The following GLT8D2 variants were observed in gnomAD, a reference collection of about 807,000 sequenced individuals.
GLT8D2 encodes glycosyltransferase 8 domain-containing protein 2.
Under a neutral mutation model 44.5 loss-of-function variants are expected in GLT8D2, and 45 were observed. The ratio of observed to expected loss-of-function variants is 1.01; its 90% CI spans 0.80 to 1.30. GLT8D2 has a LOEUF of 1.30. Among genes scored for constraint, GLT8D2 ranks in the 50% most tolerant of loss-of-function variants. GLT8D2 has a pLI of 0.00. For synonymous variants in GLT8D2, 156 were observed against 157.2 expected (o/e 0.99, Z 0.06); for missense variants, 400 against 430.4 (o/e 0.93, Z 0.62).
In GLT8D2 at chr12:103,993,471, C is replaced by T; in HGVS notation, c.801G>A (p.Gly267=). ...CAATCAGCATTGGGGAGGTGGCCAC[C>T]CCTCCTCCCAGGGAGCTGCTATAGA... ...ENLYSSSLGG[G]VATSPMLIVF... The change falls in exon 10 of 11, where the codon GGG becomes GGA. Residue 267 remains glycine, a synonymous_variant. Transcript: ENST00000360814. 1 of 1,611,032 alleles carries T rather than the reference C, an allele frequency of 6.2e-7. No individual in the cohort carries two copies. Among genetic ancestry groups the T allele is most frequent in the Non-Finnish European group, 8.5e-7 (1 of 1,178,812 alleles).
chr12:104,030,953 G>A lies in GLT8D2; in HGVS notation c.-163-9462C>T, dbSNP rs1879178975. On this transcript the variant is annotated intron_variant, in intron 1 of 10. Transcript: ENST00000360814. ...TGAGTTTGACATCTGCTTCACCTCAGTGCAGAAGAGAGCGATCCGGACCCT... is the reference window on the plus strand; with the variant it reads ...TGAGTTTGACATCTGCTTCACCTCAATGCAGAAGAGAGCGATCCGGACCCT... 2.1e-6 allele frequency: 3 copies of A among 1,439,760 alleles called. No homozygotes were observed. The East Asian group carries it at 7.0e-5, about 34-fold the overall frequency. 89.2% of individuals were successfully genotyped at this position (1,439,760 alleles called of 1,614,324 possible). A position where few individuals can be genotyped will look rare whatever the true frequency, so the allele number is the denominator to read the frequency against.
At chr12:103,990,014 A>G (rs1872521703) in intron 10 of GLT8D2, among the ~76,000 whole-genome samples, 1 of 149,452 alleles carries the variant, frequency 6.7e-6, no homozygotes, top group Admixed American at 6.7e-5. Context: ...GATTGTTTCT[A>G]TCCTATTATT....
At chr12:104,031,469 C>A in intron 1 of GLT8D2, 1 of 1,613,334 alleles carries the variant, frequency 6.2e-7, no homozygotes. Flanking sequence ...CAAGCCCATG[C>A]AGTTTCTGGG....
At chr12:104,064,406 G>C (rs115289286), upstream of GLT8D2, 6 of 639,334 alleles carry the variant, frequency 9.4e-6, no homozygotes, top group Non-Finnish European at 1.4e-5. The surrounding 1 kb of genome is among the most constrained non-coding windows in gnomAD (Gnocchi z 7.3). Flanking sequence ...CCCTTCCCCA[G>C]CGTCTCTCCA....
intron 10 of GLT8D2, among the ~76,000 whole-genome samples, chr12:103,990,699 C>T (rs774884950): frequency 5.9e-5 from 9 of 152,118 alleles, no homozygotes; most frequent in South Asian, 2.1e-4. Context: ...ATAGCTGTGA[C>T]GGCAGCTGCA....
upstream of GLT8D2, chr12:104,064,274 G>C (rs1882953613): frequency 2.8e-6 from 1 of 357,492 alleles, no homozygotes; most frequent in Non-Finnish European, 5.0e-6. This position sits in a 1 kb window ranked among gnomAD's most constrained non-coding sequence, Gnocchi z 7.3. Context: ...CGAACGGGAG[G>C]CTCTGGGTGG....
At chr12:104,001,243 A>C (rs1403212643) in intron 5 of GLT8D2, among the ~76,000 whole-genome samples, 2 of 152,194 alleles carry the variant, frequency 1.3e-5, no homozygotes, top group African/African-American at 4.8e-5. Context: ...TAACATCTGG[A>C]TCATATTTCA....
chr12:103,994,559 T>C (rs1242933573), intron 8 of GLT8D2, 58 bp from the exon 9 acceptor site: 2 of 1,498,432 alleles, frequency 1.3e-6, no homozygotes, highest in South Asian at 1.3e-5. Context: ...TTCTGGAAAA[T>C]GATCATTTTC....
intron 1 of GLT8D2, among the ~76,000 whole-genome samples, chr12:104,060,670 C>T (rs1321850868): frequency 3.3e-5 from 5 of 152,248 alleles, no homozygotes; most frequent in South Asian, 2.1e-4. Context: ...CATCTGTAAT[C>T]CCAGCACTTT....
Position 104,012,917 on chromosome 12 carries a change from G to T in GLT8D2, c.112+2096C>A, listed in dbSNP as rs1017090156. On this transcript the variant is annotated intron_variant, in intron 4 of 10. Transcript: ENST00000360814. ...AGGCCACGTGAGGACACAGCAAGAA[G>T]GCGGCCATCTGCATGCCAAGGAGAG... is the stretch of plus-strand genomic sequence containing the variant. The T allele has an allele frequency of 4.8e-6, 3 of 627,832 alleles. No homozygotes were observed. In the African/African-American group the frequency reaches 5.6e-5, roughly 12 times the overall value. The allele number at this position is 627,832 out of a possible 1,614,324, so 38.9% of individuals were successfully genotyped here.
intron 1 of GLT8D2, among the ~76,000 whole-genome samples, chr12:104,032,189 TG>T (rs1474149280): frequency 6.6e-6 from 1 of 150,384 alleles, no homozygotes; most frequent in Admixed American, 6.6e-5. Context: ...GTCCCACATG[TG>T]GTCATCAGAA....
intron 4 of GLT8D2, among the ~76,000 whole-genome samples, chr12:104,003,819 C>T (rs908231545): frequency 6.6e-6 from 1 of 152,090 alleles, no homozygotes; most frequent in Non-Finnish European, 1.5e-5. Flanking sequence ...TTGTTTATGT[C>T]GCTATTGAAA....
In GLT8D2 at chr12:103,989,465, C is replaced by T; in HGVS notation, c.993G>A (p.Trp331Ter). ...CAGGGTCAGGAACAAACCAGCTTTC[C>T]CATAAGTCGTTGTGAACACTAGGGA... ...WDFPSVHNDL[W>*]ESWFVPDPAG... The change falls in exon 11 of 11, where the codon TGG becomes TGA. Residue 331 changes from tryptophan to a stop codon, truncating the protein, a stop_gained. Coordinates refer to ENST00000360814, the MANE Select transcript of GLT8D2 (RefSeq NM_001384711.1). LOFTEE classifies it high-confidence loss of function. 4 of 1,613,604 alleles carry T rather than the reference C, an allele frequency of 2.5e-6. No individual in the cohort carries two copies. The highest frequency in any genetic ancestry group is 1.1e-5 in the South Asian group (1 of 91,028).
chr12:104,062,387 T>G (rs550430606), intron 1 of GLT8D2, among the ~76,000 whole-genome samples: 40 of 151,732 alleles, frequency 2.6e-4, no homozygotes, highest in Admixed American at 9.2e-4. Flanking sequence ...AATTCCTTTT[T>G]AAAACATAGA....
intron 1 of GLT8D2, among the ~76,000 whole-genome samples, chr12:104,033,834 T>A (rs1044942186): frequency 2.0e-4 from 30 of 151,416 alleles, no homozygotes; most frequent in Non-Finnish European, 3.5e-4. Flanking sequence ...ATGTATATAT[T>A]TTTTTTCAGA....
At chr12:103,998,107 G>C (rs1243292390) in intron 6 of GLT8D2, among the ~76,000 whole-genome samples, 1 of 152,160 alleles carries the variant, frequency 6.6e-6, no homozygotes, top group Non-Finnish European at 1.5e-5. Flanking sequence ...ATCTGGAATT[G>C]GGGGAAGATC....
upstream of GLT8D2, among the ~76,000 whole-genome samples, chr12:104,050,668 G>A (rs556328012): frequency 6.6e-6 from 1 of 152,276 alleles, no homozygotes; most frequent in East Asian, 1.9e-4. Flanking sequence ...GGGAGATGGT[G>A]CCAGCACTTT....
At chr12:104,035,754 T>G (rs1287973360) in intron 1 of GLT8D2, among the ~76,000 whole-genome samples, 1 of 152,160 alleles carries the variant, frequency 6.6e-6, no homozygotes, top group Non-Finnish European at 1.5e-5. Context: ...TTCAGGATAT[T>G]ATCCAGGAGA....
chr12:103,990,089 A>G (rs1330035224), intron 10 of GLT8D2, among the ~76,000 whole-genome samples: 1 of 2,412 alleles, frequency 4.1e-4, no homozygotes, highest in Non-Finnish European at 6.1e-4. Context: ...ATATATATAT[A>G]TATATATATA....
Sources: allele counts gnomAD v4.1 joint callset (sites outside exome capture counted in the v4.1 genomes callset), GRCh38; gene constraint gnomAD v4.1.1; non-coding constraint Gnocchi (gnomAD v3.1); transcripts MANE v1.5; gene names NCBI Gene and HGNC (gene_info 2026-07-23, HGNC 2026-07-21).